PIBF1: variants seen among roughly 807,000 people sequenced by gnomAD.
PIBF1 encodes the protein progesterone immunomodulatory binding factor 1.
PIBF1 carries 90 observed loss-of-function variants against 112.5 expected under a neutral mutation model. The observed-to-expected ratio is 0.80, with a 90% CI of 0.67 to 0.95. The LOEUF (loss-of-function observed/expected upper bound fraction) is 0.95. PIBF1 is among the 40% of genes least tolerant of loss of function. PIBF1 has a pLI of 0.00. For missense variants in PIBF1, 915 were observed against 852.3 expected, an observed-to-expected ratio of 1.07 and a Z score of -0.92; for synonymous variants, 301 against 288.6, an observed-to-expected ratio of 1.04 and a Z score of -0.44.
chr13:72,899,660 G>A (rs1021842496), intron 11 of PIBF1, among the ~76,000 whole-genome samples: 16 of 152,134 alleles, frequency 1.1e-4, no homozygotes, highest in South Asian at 4.2e-4. Context: ...ACTGAATGGG[G>A]AAAAATTGAA....
At chr13:72,990,302 C>G (rs2043432972) in intron 16 of PIBF1, among the ~76,000 whole-genome samples, 1 of 151,148 alleles carries the variant, frequency 6.6e-6, no homozygotes, top group Non-Finnish European at 1.5e-5. Flanking sequence ...GGTGGATCAC[C>G]TGAGACCAGG....
intron 13 of PIBF1, among the ~76,000 whole-genome samples, chr13:72,917,676 A>G (rs1018499087): frequency 6.6e-6 from 1 of 152,226 alleles, no homozygotes; most frequent in African/African-American, 2.4e-5. Context: ...TCAGCCCTCT[A>G]TATCCATGGG....
rs372386022 is a variant in PIBF1, at chr13:73,005,576, TTTA to T, written c.2223+6584_2223+6586del. 3.4e-4 allele frequency among the ~76,000 whole-genome samples: 52 copies of T among 152,126 alleles called. No individual in the cohort carries two copies. In the East Asian group the frequency reaches 7.1e-3, roughly 21 times the overall value. ...TAGGTTACAAAAATAATTTTTCTCA[TTTA>T]TTCATGAGGGAAAGTTTATAATTTT... On this transcript the variant is annotated intron_variant, in intron 17 of 17. Transcript: ENST00000326291.
intron 16 of PIBF1, among the ~76,000 whole-genome samples, chr13:72,995,609 T>A (rs536014116): frequency 5.4e-4 from 82 of 152,266 alleles, no homozygotes; most frequent in African/African-American, 1.9e-3. Flanking sequence ...TCATATGTTT[T>A]ACCATAAGCC....
intron 10 of PIBF1, among the ~76,000 whole-genome samples, chr13:72,881,964 T>C (rs1336970113): frequency 1.3e-5 from 2 of 151,844 alleles, no homozygotes; most frequent in African/African-American, 4.8e-5. Flanking sequence ...GGAACCACAA[T>C]AGACCCAGAA....
chr13:72,858,688 C>T (rs1316238326), intron 10 of PIBF1, among the ~76,000 whole-genome samples: 1 of 152,078 alleles, frequency 6.6e-6, no homozygotes, highest in East Asian at 1.9e-4. Flanking sequence ...CATATTGAAA[C>T]TTACAATGTG....
rs570236333 is a variant in PIBF1, at chr13:72,907,326, CAT to C, written c.1489-1201_1489-1200del. ...CTCCCTTTTTCCACATCACAGAAAACATATAATCATACACATTTTGTATTGTG... is the reference window on the plus strand; with the variant it reads ...CTCCCTTTTTCCACATCACAGAAAACATAATCATACACATTTTGTATTGTG... On this transcript the variant is annotated intron_variant, in intron 11 of 17. Transcript: ENST00000326291. Among the ~76,000 whole-genome samples the C allele has an allele frequency of 8.5e-4, 130 of 152,158 alleles. 1 individual carries two copies. Among genetic ancestry groups the C allele is most frequent in the African/African-American group, 2.9e-3 (119 of 41,554 alleles).
Position 72,817,730 on chromosome 13 carries a change from G to A in PIBF1, c.673-4119G>A, listed in dbSNP as rs565826810. Reference sequence around the variant, plus strand: ...CCACAAAGGTTGATGCTAAGCTCAAGACATGGAAGGATGCAGAGGAGAATA... The same window carrying A: ...CCACAAAGGTTGATGCTAAGCTCAAAACATGGAAGGATGCAGAGGAGAATA... On this transcript the variant is annotated intron_variant, in intron 5 of 17. Coordinates refer to ENST00000326291, the MANE Select transcript of PIBF1 (RefSeq NM_006346.4). 3.9e-5 allele frequency among the ~76,000 whole-genome samples: 6 copies of A among 152,288 alleles called. No individual in the cohort carries two copies. In the South Asian group the frequency reaches 1.2e-3, roughly 32 times the overall value.
At chr13:72,871,803 C>T (rs2039176833) in intron 10 of PIBF1, among the ~76,000 whole-genome samples, 1 of 152,140 alleles carries the variant, frequency 6.6e-6, no homozygotes, top group South Asian at 2.1e-4. Context: ...TTACTGCAAG[C>T]CCAACTAATA....
intron 16 of PIBF1, among the ~76,000 whole-genome samples, chr13:72,986,760 G>T (rs369202761): frequency 2.5e-3 from 364 of 146,678 alleles, no homozygotes; most frequent in Non-Finnish European, 4.0e-3. Context: ...GCGCAATCTC[G>T]GCTCACTGCA....
intron 11 of PIBF1, among the ~76,000 whole-genome samples, chr13:72,903,103 G>A (rs1432218215): frequency 5.3e-5 from 8 of 151,858 alleles, no homozygotes; most frequent in Non-Finnish European, 1.0e-4. Context: ...TCACCATGTT[G>A]GCCAGGCTCA....
At chr13:73,007,028 TAA>T (rs2044051919) in intron 17 of PIBF1, among the ~76,000 whole-genome samples, 1 of 151,086 alleles carries the variant, frequency 6.6e-6, no homozygotes, top group South Asian at 2.1e-4. Flanking sequence ...AATGTGTATG[TAA>T]AATATATATG....
intron 10 of PIBF1, among the ~76,000 whole-genome samples, chr13:72,861,688 A>T (rs1014670186): frequency 6.6e-6 from 1 of 152,062 alleles, no homozygotes; most frequent in African/African-American, 2.4e-5. Flanking sequence ...GCTTCAGCCT[A>T]CTGAGTCGCT....
intron 5 of PIBF1, among the ~76,000 whole-genome samples, chr13:72,805,547 C>G (rs1176468496): frequency 6.6e-6 from 1 of 152,060 alleles, no homozygotes; most frequent in Non-Finnish European, 1.5e-5. Flanking sequence ...TCAACTCATA[C>G]TTATTTAAGG....
At chr13:72,808,504 C>CGGTGGT in intron 5 of PIBF1, among the ~76,000 whole-genome samples, 1 of 152,198 alleles carries the variant, frequency 6.6e-6, no homozygotes, top group Admixed American at 6.5e-5. Context: ...TACCTCTAAA[C>CGGTGGT]GGTGGTGATG....
intron 16 of PIBF1, among the ~76,000 whole-genome samples, chr13:72,987,858 A>ATTTATTTTTTTTTTTTTTTTTTT (rs1345167411): frequency 8.6e-5 from 5 of 58,136 alleles, no homozygotes; most frequent in African/African-American, 1.9e-4. Context: ...TTATTTATTT[A>ATTTATTTTTTTTTTTTTTTTTTT]TTTTTTTTTT....
At chr13:72,821,796 C>T (rs780634940) in intron 5 of PIBF1, 53 bp from the exon 6 acceptor site, 1 of 1,400,428 alleles carries the variant, frequency 7.1e-7, no homozygotes, top group Non-Finnish European at 9.7e-7. Context: ...AGAATTTGGG[C>T]AACTATGTTA....
chr13:72,967,440 T>G (rs950792822), intron 15 of PIBF1, among the ~76,000 whole-genome samples: 2 of 152,148 alleles, frequency 1.3e-5, no homozygotes, highest in Non-Finnish European at 2.9e-5. Context: ...ATTATAAAGA[T>G]GAACAAATTC....
At chr13:72,813,595 T>C (rs2036124556) in intron 5 of PIBF1, among the ~76,000 whole-genome samples, 1 of 152,212 alleles carries the variant, frequency 6.6e-6, no homozygotes, top group African/African-American at 2.4e-5. Flanking sequence ...GCACTTGGCC[T>C]CTTCATGTGA....
Sources: gnomAD v4.1 joint callset for allele counts (sites outside exome capture counted in the v4.1 genomes callset) on GRCh38, gnomAD v4.1.1 for gene constraint, MANE v1.5 for transcripts, NCBI Gene and HGNC (gene_info 2026-07-23, HGNC 2026-07-21) for gene names.